Variants in PTBP3 observed in about 807,000 individuals in gnomAD.
The protein encoded by PTBP3 is polypyrimidine tract binding protein 3.
PTBP3 carries 20 observed loss-of-function variants against 58.7 expected under a neutral mutation model. The observed-to-expected ratio is 0.34, with a 90% confidence interval of 0.24 to 0.50. PTBP3 has a LOEUF of 0.50. PTBP3 is among the 20% of genes least tolerant of loss of function. The pLI, the probability that PTBP3 is intolerant of heterozygous loss-of-function variation, is 0.98. For missense variants in PTBP3, 509 were observed against 637.2 expected, an observed-to-expected ratio of 0.80 and a Z score of 2.17; for synonymous variants, 185 against 219.8, an observed-to-expected ratio of 0.84 and a Z score of 1.40.
At chr9:112,232,300 C>A in intron 8 of PTBP3, 62 bp from the exon 9 acceptor site, 2 of 1,395,982 alleles carry the variant, frequency 1.4e-6, no homozygotes, top group Non-Finnish European at 1.9e-6. Flanking sequence ...ACACTTGATA[C>A]AATTTAAGTA....
chr9:112,351,798 C>G, the PTBP3 span, among the ~76,000 whole-genome samples: 362 of 152,156 alleles, frequency 2.4e-3, 1 homozygote, highest in African/African-American at 8.3e-3. Context: ...GACCTATGTG[C>G]TCCTTTGACA....
chr9:112,243,239 A>C lies in PTBP3; in HGVS notation c.802+7690T>G, dbSNP rs183196853. On this transcript the variant is annotated intron_variant, in intron 7 of 13. Coordinates refer to ENST00000374257, the MANE Select transcript of PTBP3 (RefSeq NM_001163788.4). ...TCTATCTTAGTTAAACAAGAAAAAG[A>C]ATTAAAGTCCCAGGGATTAGGCCAG... Among the ~76,000 whole-genome samples, 219 of 152,208 alleles carry C rather than the reference A, an allele frequency of 1.4e-3. 4 individuals are homozygous for C. The highest frequency in any genetic ancestry group is 3.9e-4 in the East Asian group (2 of 5,186).
intron 5 of PTBP3, among the ~76,000 whole-genome samples, chr9:112,253,105 G>A (rs1382396350): frequency 2.0e-5 from 3 of 152,172 alleles, no homozygotes; most frequent in African/African-American, 7.2e-5. Context: ...TGGGAGTCAT[G>A]GACCAACTAT....
intron 1 of PTBP3, among the ~76,000 whole-genome samples, chr9:112,313,512 G>A (rs1320318351): frequency 6.6e-6 from 1 of 152,210 alleles, no homozygotes; most frequent in African/African-American, 2.4e-5. Flanking sequence ...TTAATTTGTG[G>A]AAGTCAGAAA....
At chr9:112,225,492 G>A (rs1316655872) in intron 12 of PTBP3, among the ~76,000 whole-genome samples, 2 of 152,142 alleles carry the variant, frequency 1.3e-5, no homozygotes, top group African/African-American at 2.4e-5. Context: ...CAGAGGTGAC[G>A]GTCGCACAAT....
chr9:112,220,088 C>T lies in PTBP3; in HGVS notation c.*3763G>A. The T allele has an allele frequency of 8.3e-7, 1 of 1,211,434 alleles. No homozygotes were observed. The highest frequency in any genetic ancestry group is 1.1e-6 in the Non-Finnish European group (1 of 950,228). The allele number at this position is 1,211,434 out of a possible 1,614,324, so 75.0% of individuals were successfully genotyped here. ...CTAAGAAAAATGCTTTACGCATCGT[C>T]ACGCTGTCTCTTTTTGGTTTTAAAA... is the stretch of plus-strand genomic sequence containing the variant. On this transcript the variant is annotated 3_prime_UTR_variant, in exon 14 of 14. Transcript: ENST00000374257.
chr9:112,247,268 T>TAATAAATA (rs67113136), intron 7 of PTBP3, among the ~76,000 whole-genome samples: 207 of 144,118 alleles, frequency 1.4e-3, no homozygotes, highest in African/African-American at 3.0e-3. Flanking sequence ...CCTGTTTCAA[T>TAATAAATA]AATAAATAAA....
chr9:112,224,960 C>T (rs1361283059), intron 12 of PTBP3, among the ~76,000 whole-genome samples: 1 of 152,172 alleles, frequency 6.6e-6, no homozygotes, highest in East Asian at 1.9e-4. Context: ...CTTCAGATGA[C>T]CACATCCTTG....
intron 2 of PTBP3, among the ~76,000 whole-genome samples, chr9:112,296,723 A>G (rs571354590): frequency 6.6e-6 from 1 of 152,124 alleles, no homozygotes; most frequent in Non-Finnish European, 1.5e-5. Flanking sequence ...CTCAAACTCA[A>G]TATATACAAA....
At chr9:112,260,485 G>A (rs186391787) in intron 5 of PTBP3, among the ~76,000 whole-genome samples, 212 of 152,276 alleles carry the variant, frequency 1.4e-3, no homozygotes, top group African/African-American at 5.0e-3. Flanking sequence ...CTTGTTTAAT[G>A]TAATTAGATT....
the PTBP3 span, among the ~76,000 whole-genome samples, chr9:112,358,024 T>C: frequency 2.0e-5 from 3 of 151,980 alleles, no homozygotes; most frequent in African/African-American, 7.2e-5. Flanking sequence ...ACAAAAAAAT[T>C]TGGCCAGGCG....
intron 6 of PTBP3, 147 bp downstream of exon 6, chr9:112,252,531 A>C (rs1836172124): frequency 6.3e-6 from 4 of 633,030 alleles, no homozygotes; most frequent in Non-Finnish European, 1.1e-5. Flanking sequence ...AAAAAAAAAC[A>C]TGGAATCATA....
chr9:112,224,237 T>C (rs1428376104), intron 12 of PTBP3, 27 bp from the exon 13 acceptor site: 1 of 1,399,976 alleles, frequency 7.1e-7, no homozygotes, highest in African/African-American at 1.5e-5. Context: ...GGGAGTCAAC[T>C]ACCTGGGCCG....
intron 5 of PTBP3, among the ~76,000 whole-genome samples, chr9:112,258,024 T>C (rs188906140): frequency 2.6e-5 from 4 of 152,126 alleles, no homozygotes; most frequent in Non-Finnish European, 5.9e-5. Flanking sequence ...TTGTTTATAA[T>C]AGTTTTTGTA....
intron 4 of PTBP3, among the ~76,000 whole-genome samples, chr9:112,265,832 G>A (rs943988402): frequency 6.6e-6 from 1 of 152,170 alleles, no homozygotes; most frequent in African/African-American, 2.4e-5. Flanking sequence ...TAATGCAGGA[G>A]AAACTGGTCT....
intron 1 of PTBP3, among the ~76,000 whole-genome samples, chr9:112,316,351 C>T (rs560065308): frequency 6.6e-6 from 1 of 152,304 alleles, no homozygotes; most frequent in East Asian, 1.9e-4. Flanking sequence ...TCTCTTTTTA[C>T]ATATTTATAA....
Position 112,231,955 on chromosome 9 carries a change from A to AAG in PTBP3, c.1020+142_1020+143dup, listed in dbSNP as rs1345786797. The AAG allele has an allele frequency of 3.3e-3, 1,266 of 377,992 alleles. 2 individuals are homozygous for AAG. The highest frequency in any genetic ancestry group is 0.015 in the East Asian group (357 of 23,054). 23.4% of individuals were successfully genotyped at this position (377,992 alleles called of 1,614,324 possible). On this transcript the variant is annotated intron_variant, in intron 9 of 13. Coordinates refer to ENST00000374257, the MANE Select transcript of PTBP3 (RefSeq NM_001163788.4). ...AAGAGAAGAGAAGAGAAGAGAAGAG[A>AAG]AGAGAAGAGAAGAGAGAAGAGAAGA...
At chr9:112,318,985 G>T (rs1456425273) in intron 1 of PTBP3, among the ~76,000 whole-genome samples, 1 of 151,518 alleles carries the variant, frequency 6.6e-6, no homozygotes, top group African/African-American at 2.4e-5. Flanking sequence ...AAATTAGCTG[G>T]GTGTGGTGAC....
At chr9:112,357,691 G>C in the PTBP3 span, among the ~76,000 whole-genome samples, 1 of 151,956 alleles carries the variant, frequency 6.6e-6, no homozygotes, top group Non-Finnish European at 1.5e-5. Context: ...TTCTATACAG[G>C]AACCAGTTCA....
Sources: allele counts gnomAD v4.1 joint callset (sites outside exome capture counted in the v4.1 genomes callset), GRCh38; gene constraint gnomAD v4.1.1; transcripts MANE v1.5; gene names NCBI Gene and HGNC (gene_info 2026-07-23, HGNC 2026-07-21).